KLHL6: variants seen among roughly 807,000 people sequenced by gnomAD.
KLHL6 encodes the protein kelch like family member 6, also known as kelch-like protein 6.
A neutral mutation model predicts 58.6 loss-of-function variants in KLHL6; 41 were observed. The ratio of observed to expected loss-of-function variants is 0.70; its 90% confidence interval spans 0.55 to 0.91. The LOEUF is 0.91. Ranked by LOEUF, KLHL6 falls within the 40% of genes least tolerant of loss-of-function variation. The pLI, the probability that KLHL6 is intolerant of heterozygous loss-of-function variation, is 0.00. For synonymous variants in KLHL6, 338 were observed against 322.7 expected (o/e 1.05, Z -0.51); for missense variants, 714 against 805.6 (o/e 0.89, Z 1.38).
intron 1 of KLHL6, among the ~76,000 whole-genome samples, chr3:183,553,360 A>G (rs1047723626): frequency 2.6e-5 from 4 of 152,170 alleles, no homozygotes; most frequent in African/African-American, 9.7e-5. Flanking sequence ...GAGAAACCCA[A>G]GAACCAGAGA....
chr3:183,499,795 A>G lies in KLHL6; in HGVS notation c.942T>C (p.His314=). The G allele has an allele frequency of 6.2e-7, 1 of 1,602,296 alleles. No individual in the cohort carries two copies. Among genetic ancestry groups the G allele is most frequent in the Non-Finnish European group, 8.5e-7 (1 of 1,174,478 alleles). ...TCATGAACACCTCAGACTGGAACTC[A>G]TGCATCCTGGGCTTGGTGCGTTCCG... The part of the protein sequence containing the change: ...IISERTKPRM[H]EFQSEVFMII... The change falls in exon 4 of 7, where the codon CAT becomes CAC. Residue 314 remains histidine, a synonymous_variant. Coordinates refer to ENST00000341319, the MANE Select transcript of KLHL6 (RefSeq NM_130446.4). The surrounding 1 kb of genome is among the most constrained non-coding windows in gnomAD (Gnocchi z 4.6).
chr3:183,534,103 TTAAAAGTACTTTACTTTTAAAGTACTTTG>T lies in KLHL6; in HGVS notation c.294-6122_294-6094del, dbSNP rs1160932712. ...AAAAGTACTTTACTTTTAAAGTACT[TTAAAAGTACTTTACTTTTAAAGTACTTTG>T]TACTTTTAAAGTACTTTAAAAGTAC... On this transcript the variant is annotated intron_variant, in intron 1 of 6. Coordinates refer to ENST00000341319, the MANE Select transcript of KLHL6 (RefSeq NM_130446.4). Among the ~76,000 whole-genome samples the T allele has an allele frequency of 2.6e-3, 369 of 139,704 alleles. 8 individuals carry two copies. Among genetic ancestry groups the T allele is most frequent in the African/African-American group, 9.6e-3 (332 of 34,582 alleles). 91.7% of individuals were successfully genotyped at this position (139,704 alleles called of 152,430 possible).
chr3:183,509,467 A>G (rs1422853710), intron 2 of KLHL6, among the ~76,000 whole-genome samples: 1 of 152,268 alleles, frequency 6.6e-6, no homozygotes, highest in Non-Finnish European at 1.5e-5. Flanking sequence ...ATGTAGGTCA[A>G]AATATTAATG....
At position 183,499,680 on chromosome 3, in the gene KLHL6, G is replaced by A; in HGVS notation, c.1057C>T (p.Leu353Phe). 6.2e-7 allele frequency: 1 copy of A among 1,611,714 alleles called. No homozygotes were observed. The highest frequency in any genetic ancestry group is 8.5e-7 in the Non-Finnish European group (1 of 1,179,036). The change falls in exon 4 of 7, where the codon CTC becomes TTC. Residue 353 changes from leucine to phenylalanine, a missense_variant. By Grantham distance (22) the Leu-to-Phe change is conservative. Around this residue, in one of 2 missense-constraint regions of KLHL6, gnomAD observed 510 missense variants for 629.7 expected, o/e 0.81. Transcript: ENST00000341319. This position sits in a 1 kb window ranked among gnomAD's most constrained non-coding sequence, Gnocchi z 4.6. ...TCCAGCTCATGCTCTGTTAGCGGGA[G>A]CTTGGCCACCTCCAGGCGGCTGCGC... ...LRRSRLEVAK[L>F]PLTEHELESE...
intron 1 of KLHL6, among the ~76,000 whole-genome samples, chr3:183,534,950 A>ATATATATAT (rs1356557331): frequency 7.2e-5 from 7 of 96,736 alleles, no homozygotes; most frequent in African/African-American, 2.1e-4. Flanking sequence ...ATATATATAT[A>ATATATATAT]TTTTTTTTTT....
At chr3:183,497,957 C>T (rs772647445) in intron 4 of KLHL6, among the ~76,000 whole-genome samples, 11 of 152,122 alleles carry the variant, frequency 7.2e-5, no homozygotes, top group African/African-American at 9.7e-5. Context: ...CAATTAAGGC[C>T]GGGCGCAGTG....
At chr3:183,552,717 C>CAAAAAA (rs1169148282) in intron 1 of KLHL6, among the ~76,000 whole-genome samples, 15 of 47,564 alleles carry the variant, frequency 3.2e-4, no homozygotes, top group Non-Finnish European at 6.2e-4. Context: ...GACTCCGTCT[C>CAAAAAA]AAAAAAAAAA....
Position 183,491,029 on chromosome 3 carries a change from A to G in KLHL6, c.*898T>C, listed in dbSNP as rs1351549571. 1 of 152,232 alleles carries G rather than the reference A, an allele frequency of 6.6e-6. No individual in the cohort carries two copies. Among genetic ancestry groups the G allele is most frequent in the African/African-American group, 2.4e-5 (1 of 41,448 alleles). 9.4% of individuals were successfully genotyped at this position (152,232 alleles called of 1,614,324 possible). A position where few individuals can be genotyped will look rare whatever the true frequency, so the allele number is the denominator to read the frequency against. On this transcript the variant is annotated 3_prime_UTR_variant, in exon 7 of 7. Coordinates refer to ENST00000341319, the MANE Select transcript of KLHL6 (RefSeq NM_130446.4). ...AGGAAAGAAAGCAGGAAACACCTTT[A>G]TTTCCCTGCTGTGCTGAGTGAATCT...
chr3:183,521,015 T>C (rs1164587242), intron 2 of KLHL6: 1 of 152,152 alleles, frequency 6.6e-6, no homozygotes, highest in Non-Finnish European at 1.5e-5. Flanking sequence ...CCTTGGACAA[T>C]ACCCAGGCTT....
At chr3:183,494,597 G>A (rs978154962) in intron 4 of KLHL6, among the ~76,000 whole-genome samples, 1 of 152,234 alleles carries the variant, frequency 6.6e-6, no homozygotes, top group Non-Finnish European at 1.5e-5. Flanking sequence ...CAGCCTGGGT[G>A]GGTAGGGACC....
chr3:183,530,479 T>A (rs1476613120), intron 1 of KLHL6, among the ~76,000 whole-genome samples: 13 of 152,176 alleles, frequency 8.5e-5, no homozygotes, highest in Non-Finnish European at 1.9e-4. Flanking sequence ...TGCGGATACG[T>A]CTGAGCAAAG....
intron 5 of KLHL6, chr3:183,493,686 C>T (rs1396103076): frequency 2.0e-5 from 4 of 197,634 alleles, no homozygotes; most frequent in East Asian, 1.3e-4. Context: ...GGTTCATAAA[C>T]GGTGTAGTAA....
rs923933994 is a variant in KLHL6 at position 183,552,738 on chromosome 3, A to G, written c.293+2623T>C. ...GTCTCAAAAAAAAAAAAAAAAAAAAAAAAAGAAAGCCTCTCAGACAGAGAG... is the reference window on the plus strand; with the variant it reads ...GTCTCAAAAAAAAAAAAAAAAAAAAGAAAAGAAAGCCTCTCAGACAGAGAG... On this transcript the variant is annotated intron_variant, in intron 1 of 6. Coordinates refer to ENST00000341319, the MANE Select transcript of KLHL6 (RefSeq NM_130446.4). Among the ~76,000 whole-genome samples the G allele has an allele frequency of 1.7e-3, 260 of 151,362 alleles. 1 individual carries two copies. The highest frequency in any genetic ancestry group is 6.0e-3 in the African/African-American group (248 of 41,076).
intron 1 of KLHL6, among the ~76,000 whole-genome samples, chr3:183,549,267 A>T (rs1431081203): frequency 6.6e-6 from 1 of 152,210 alleles, no homozygotes; most frequent in Non-Finnish European, 1.5e-5. Context: ...TGTGTTGAGG[A>T]TTGCTGCTGC....
chr3:183,497,151 C>T (rs1717735736), intron 4 of KLHL6, among the ~76,000 whole-genome samples: 1 of 152,168 alleles, frequency 6.6e-6, no homozygotes, highest in Non-Finnish European at 1.5e-5. Flanking sequence ...GTGGTGGGCA[C>T]CTGTAATCCC....
chr3:183,515,530 G>A (rs550549889), intron 2 of KLHL6, among the ~76,000 whole-genome samples: 13 of 152,168 alleles, frequency 8.5e-5, no homozygotes, highest in South Asian at 4.2e-4. Flanking sequence ...CCTGGGTGAC[G>A]GAGCAAGACT....
chr3:183,512,360 AATT>A (rs1268511250), intron 2 of KLHL6, among the ~76,000 whole-genome samples: 5 of 152,230 alleles, frequency 3.3e-5, no homozygotes, highest in Non-Finnish European at 7.3e-5. Context: ...ATAATGAAAC[AATT>A]ATTATTCATT....
Position 183,545,588 on chromosome 3 carries a change from C to A in KLHL6, c.293+9773G>T, listed in dbSNP as rs75709444. On this transcript the variant is annotated intron_variant, in intron 1 of 6. Coordinates refer to ENST00000341319, the MANE Select transcript of KLHL6 (RefSeq NM_130446.4). Reference sequence around the variant, plus strand: ...ATCTCTCTATGAAGAGGCCTGTTTTCAGTTTAGACATCATGGGTAGGGGTG... The same window carrying A: ...ATCTCTCTATGAAGAGGCCTGTTTTAAGTTTAGACATCATGGGTAGGGGTG... 8.6e-3 allele frequency among the ~76,000 whole-genome samples: 1,304 copies of A among 152,232 alleles called. 22 individuals carry two copies. The highest frequency in any genetic ancestry group is 0.03 in the African/African-American group (1,238 of 41,528).
At position 183,499,381 on chromosome 3, in the gene KLHL6, G is replaced by C. The variant is rs533201744; in HGVS notation, c.1147+209C>G. Among the ~76,000 whole-genome samples the C allele has an allele frequency of 6.6e-6, 1 of 152,076 alleles. No homozygotes were observed. The highest frequency in any genetic ancestry group is 1.9e-4 in the East Asian group (1 of 5,186). On this transcript the variant is annotated intron_variant, in intron 4 of 6. Coordinates refer to ENST00000341319, the MANE Select transcript of KLHL6 (RefSeq NM_130446.4). This position sits in a 1 kb window ranked among gnomAD's most constrained non-coding sequence, Gnocchi z 4.6. ...GAAAAGAAAAGAAAAGAAAAAAATA[G>C]TACAATGTTGCTCAGTTTTTTGTTT... is the stretch of plus-strand genomic sequence containing the variant.
Sources: gnomAD v4.1 joint callset for allele counts (sites outside exome capture counted in the v4.1 genomes callset) on GRCh38, gnomAD v4.1.1 for gene constraint, gnomAD v4.1.1 regional missense constraint, Gnocchi (gnomAD v3.1) non-coding constraint, MANE v1.5 for transcripts, NCBI Gene and HGNC (gene_info 2026-07-23, HGNC 2026-07-21) for gene names.